CSNK1D: variants seen among roughly 807,000 people sequenced by gnomAD.
The protein encoded by CSNK1D is casein kinase I isoform delta.
In CSNK1D, 16 loss-of-function variants were observed where a neutral mutation model predicts 46.6. The ratio of observed to expected loss-of-function variants is 0.34; its 90% CI spans 0.23 to 0.52. The LOEUF is 0.52. CSNK1D is among the 20% of genes least tolerant of loss of function. The pLI is 0.95. For synonymous variants in CSNK1D, 276 were observed against 228.2 expected (o/e 1.21, Z -1.89); for missense variants, 398 against 578.4 (o/e 0.69, Z 3.20).
downstream of CSNK1D, chr17:82,239,152 G>T: frequency 3.2e-6 from 2 of 620,260 alleles, no homozygotes; most frequent in Non-Finnish European, 2.6e-6. Context: ...TGGGAACCGT[G>T]TCATTCCAGA....
intron 2 of CSNK1D, among the ~76,000 whole-genome samples, chr17:82,264,737 C>T (rs1487498273): frequency 6.6e-6 from 1 of 152,044 alleles, no homozygotes; most frequent in Non-Finnish European, 1.5e-5. Context: ...GCAACAGCTC[C>T]AGTGACCACT....
chr17:82,260,516 T>G (rs542176723), intron 2 of CSNK1D, among the ~76,000 whole-genome samples: 29 of 143,182 alleles, frequency 2.0e-4, no homozygotes, highest in African/African-American at 6.3e-4. Flanking sequence ...GATGGTGTAC[T>G]GAGTGATGTG....
At chr17:82,265,873 G>T in intron 1 of CSNK1D, 77 bp from the exon 2 acceptor site, 1 of 1,192,310 alleles carries the variant, frequency 8.4e-7, no homozygotes, top group Non-Finnish European at 1.3e-6. Flanking sequence ...GAAACAACAA[G>T]CACTATGTGT....
At chr17:82,240,201 G>A (rs1389777397), downstream of CSNK1D, 2 of 563,096 alleles carry the variant, frequency 3.6e-6, no homozygotes, top group African/African-American at 1.9e-5. Context: ...GCCTCTAGCA[G>A]GGCTCAGGCT....
intron 2 of CSNK1D, chr17:82,260,843 G>C (rs1292587939): frequency 6.5e-6 from 1 of 153,124 alleles, no homozygotes; most frequent in Non-Finnish European, 1.5e-5. Flanking sequence ...CTGACTGATG[G>C]TGTACCGACT....
At chr17:82,257,480 CAG>C (rs1434168242) in intron 2 of CSNK1D, among the ~76,000 whole-genome samples, 1 of 152,030 alleles carries the variant, frequency 6.6e-6, no homozygotes, top group Non-Finnish European at 1.5e-5. Context: ...CTAACAAAAA[CAG>C]TAATAGGGGC....
intron 1 of CSNK1D, among the ~76,000 whole-genome samples, chr17:82,271,646 G>C (rs2051627226): frequency 6.6e-6 from 1 of 152,190 alleles, no homozygotes; most frequent in Admixed American, 6.5e-5. Flanking sequence ...GCAACAATAT[G>C]GCATGTGACA....
chr17:82,240,189 A>C, downstream of CSNK1D: 1 of 685,874 alleles, frequency 1.5e-6, no homozygotes, highest in Non-Finnish European at 2.0e-6. Context: ...AGGGCTGTGG[A>C]GGCCTCTAGC....
intron 2 of CSNK1D, among the ~76,000 whole-genome samples, chr17:82,261,653 G>C (rs537159927): frequency 6.6e-6 from 1 of 152,324 alleles, no homozygotes; most frequent in African/African-American, 2.4e-5. Flanking sequence ...AAACAGGTGA[G>C]CAAGGTCCTG....
rs754293657 is a variant in CSNK1D at position 82,244,815 on chromosome 17, G to A, written c.1214C>T (p.Ala405Val). 3.1e-6 allele frequency: 5 copies of A among 1,613,788 alleles called. No homozygotes were observed. Among genetic ancestry groups the A allele is most frequent in the East Asian group, 2.2e-5 (1 of 44,894 alleles). The change falls in exon 9 of 9, where the codon GCT (alanine) becomes GTT (valine). Residue 405 changes from alanine (A) to valine (V), a missense_variant. Around this residue, in one of 2 missense-constraint regions of CSNK1D, gnomAD observed 181 missense variants for 208.0 expected, o/e 0.87. Coordinates refer to ENST00000314028, the MANE Select transcript of CSNK1D (RefSeq NM_001893.6). The stretch of plus-strand genomic sequence containing the variant: ...CACGACAGACTGAAGACCACTGGAA[G>A]CCACCCGACCAGGAATCTGTCGGAG... ...MSTSQIPGRVASSGLQSVVHR is the reference protein window; with the variant it reads ...MSTSQIPGRVVSSGLQSVVHR
chr17:82,248,762 C>G lies in CSNK1D; in HGVS notation c.1197+113G>C. 1 of 1,525,022 alleles carries G rather than the reference C, an allele frequency of 6.6e-7. No individual in the cohort carries two copies. The highest frequency in any genetic ancestry group is 8.8e-7 in the Non-Finnish European group (1 of 1,138,810). 94.5% of individuals were successfully genotyped at this position (1,525,022 alleles called of 1,614,324 possible). On this transcript the variant is annotated intron_variant, in intron 8 of 8. Transcript: ENST00000314028. The surrounding 1 kb of genome is among the most constrained non-coding windows in gnomAD (Gnocchi z 4.1). ...CCACACCCTGGCGAGATTAAAAACTCTCAAAAATGGGGGGAAGAAAGGAAA... is the reference window on the plus strand; with the variant it reads ...CCACACCCTGGCGAGATTAAAAACTGTCAAAAATGGGGGGAAGAAAGGAAA...
chr17:82,242,855 C>T lies in CSNK1D; in HGVS notation c.*1926G>A, dbSNP rs377236972. 1.8e-5 allele frequency: 18 copies of T among 985,440 alleles called. No individual in the cohort carries two copies. In the South Asian group the frequency reaches 2.3e-4, roughly 13 times the overall value. 61.0% of individuals were successfully genotyped at this position (985,440 alleles called of 1,614,324 possible). A position where few individuals can be genotyped will look rare whatever the true frequency, so the allele number is the denominator to read the frequency against. On this transcript the variant is annotated 3_prime_UTR_variant, in exon 9 of 9. Transcript: ENST00000314028. ...AGGACTGTCACAAGCACTCCGAAGA[C>T]GCGACCCGGCGAGGCTCGGGCTGGA...
At chr17:82,240,632 G>T (rs148489247), downstream of CSNK1D, among the ~76,000 whole-genome samples, 232 of 152,224 alleles carry the variant, frequency 1.5e-3, no homozygotes, top group Middle Eastern at 6.8e-3. Flanking sequence ...GTCACCCCTC[G>T]TCTGCCCCAC....
chr17:82,244,532 T>C lies in CSNK1D; in HGVS notation c.*249A>G. ...GTCTGATTCTCTGCAATTCTCTCTC[T>C]GCTTTTCTTCCCAGCCCCGTTACAA... On this transcript the variant is annotated 3_prime_UTR_variant, in exon 9 of 9. Transcript: ENST00000314028. The C allele has an allele frequency of 2.1e-6, 3 of 1,449,532 alleles. No homozygotes were observed. Among genetic ancestry groups the C allele is most frequent in the Non-Finnish European group, 2.7e-6 (3 of 1,101,508 alleles). The allele number at this position is 1,449,532 out of a possible 1,614,324, so 89.8% of individuals were successfully genotyped here. A position where few individuals can be genotyped will look rare whatever the true frequency, so the allele number is the denominator to read the frequency against.
intron 2 of CSNK1D, chr17:82,265,178 A>ATTT: frequency 2.3e-5 from 4 of 174,560 alleles, no homozygotes; most frequent in Non-Finnish European, 3.5e-5. Flanking sequence ...ATGGTATAAG[A>ATTT]TTTTTTTTTT....
At chr17:82,263,139 C>T (rs1378439734) in intron 2 of CSNK1D, among the ~76,000 whole-genome samples, 1 of 152,158 alleles carries the variant, frequency 6.6e-6, no homozygotes, top group Non-Finnish European at 1.5e-5. Context: ...AAGATTGCGC[C>T]ATTGCACTCC....
chr17:82,251,072 C>A lies in CSNK1D; in HGVS notation c.885+307G>T. 1 of 417,266 alleles carries A rather than the reference C, an allele frequency of 2.4e-6. No individual in the cohort carries two copies. Among genetic ancestry groups the A allele is most frequent in the South Asian group, 2.1e-5 (1 of 46,968 alleles). 25.8% of individuals were successfully genotyped at this position (417,266 alleles called of 1,614,324 possible). ...AATGCGCACCCCCAGCCCCCACCCT[C>A]TGCCCCCAGGGCATGCTCTGGGCCC... On this transcript the variant is annotated intron_variant, in intron 6 of 8. Transcript: ENST00000314028. The surrounding 1 kb of genome is among the most constrained non-coding windows in gnomAD (Gnocchi z 4.5).
Position 82,249,390 on chromosome 17 carries a change from C to T in CSNK1D, c.1057+41G>A, listed in dbSNP as rs1268772242. ...ACCAACCCCAAGACACAAGAAGTCA[C>T]CCCAGAGCCAGCCCCAGAGCGCTGG... On this transcript the variant is annotated intron_variant, in intron 7 of 8. Coordinates refer to ENST00000314028, the MANE Select transcript of CSNK1D (RefSeq NM_001893.6). The surrounding 1 kb of genome is among the most constrained non-coding windows in gnomAD (Gnocchi z 6.7). 8 of 1,531,136 alleles carry T rather than the reference C, an allele frequency of 5.2e-6. No homozygotes were observed. Among genetic ancestry groups the T allele is most frequent in the Middle Eastern group, 3.4e-4 (2 of 5,900 alleles). The allele number at this position is 1,531,136 out of a possible 1,614,324, so 94.8% of individuals were successfully genotyped here.
chr17:82,247,347 A>G (rs2147156168), intron 8 of CSNK1D: 3 of 985,448 alleles, frequency 3.0e-6, no homozygotes, highest in Non-Finnish European at 3.6e-6. Flanking sequence ...GTACCGAGAA[A>G]AGGCAGCTGG....
Sources: gnomAD v4.1 joint callset for allele counts (sites outside exome capture counted in the v4.1 genomes callset) on GRCh38, gnomAD v4.1.1 for gene constraint, gnomAD v4.1.1 regional missense constraint, Gnocchi (gnomAD v3.1) non-coding constraint, MANE v1.5 for transcripts, NCBI Gene and HGNC (gene_info 2026-07-23, HGNC 2026-07-21) for gene names.